PAQR5: variants seen among roughly 807,000 people sequenced by gnomAD.
PAQR5 encodes membrane progestin receptor gamma.
In PAQR5, 20 loss-of-function variants were observed where a neutral mutation model predicts 34.5. The ratio of observed to expected loss-of-function variants is 0.58; its 90% CI spans 0.41 to 0.84. The LOEUF is 0.84. Ranked by LOEUF, PAQR5 falls within the 40% of genes least tolerant of loss-of-function variation. PAQR5 has a pLI of 0.00. For synonymous variants in PAQR5, 131 were observed against 155.6 expected, an observed-to-expected ratio of 0.84 and a Z score of 1.18; for missense variants, 378 against 412.7, an observed-to-expected ratio of 0.92 and a Z score of 0.73.
intron 1 of PAQR5, among the ~76,000 whole-genome samples, chr15:69,317,907 G>A (rs981315656): frequency 6.6e-6 from 1 of 152,070 alleles, no homozygotes; most frequent in African/African-American, 2.4e-5. Context: ...TGGGGACATC[G>A]TTCCCTTCTC....
At chr15:69,378,273 A>AAAAAAAAAAAAAAAAG (rs1567029685) in intron 3 of PAQR5, among the ~76,000 whole-genome samples, 8 of 145,716 alleles carry the variant, frequency 5.5e-5, no homozygotes, top group African/African-American at 1.8e-4. Context: ...TTAAAAAAAA[A>AAAAAAAAAAAAAAAAG]AAAAAAAAAA....
At chr15:69,304,981 T>C (rs1412446588) in intron 1 of PAQR5, among the ~76,000 whole-genome samples, 1 of 152,222 alleles carries the variant, frequency 6.6e-6, no homozygotes, top group African/African-American at 2.4e-5. Flanking sequence ...TCTGACATTA[T>C]CTAATGCATA....
chr15:69,334,089 G>T (rs961301343), intron 1 of PAQR5, among the ~76,000 whole-genome samples: 1 of 151,990 alleles, frequency 6.6e-6, no homozygotes, highest in African/African-American at 2.4e-5. Context: ...AGGCAGTGGC[G>T]CAGTCTTGGC....
At chr15:69,349,239 A>G (rs2140780116) in intron 2 of PAQR5, among the ~76,000 whole-genome samples, 1 of 152,292 alleles carries the variant, frequency 6.6e-6, no homozygotes, top group African/African-American at 2.4e-5. Flanking sequence ...TGTCCTCTCC[A>G]AGGCAGTTGC....
At chr15:69,325,071 GTA>G (rs1314075322) in intron 1 of PAQR5, among the ~76,000 whole-genome samples, 1 of 152,028 alleles carries the variant, frequency 6.6e-6, no homozygotes, top group Non-Finnish European at 1.5e-5. Context: ...GCTAATTTTT[GTA>G]TTTTTAGTAG....
intron 3 of PAQR5, among the ~76,000 whole-genome samples, chr15:69,363,747 T>C (rs193036820): frequency 6.6e-6 from 1 of 152,084 alleles, no homozygotes; most frequent in Non-Finnish European, 1.5e-5. Flanking sequence ...ACAACAGGGT[T>C]TCACCATGTT....
chr15:69,391,700 G>A (rs1275626527), intron 6 of PAQR5: 1 of 456,024 alleles, frequency 2.2e-6, no homozygotes. Flanking sequence ...GATTAGACAG[G>A]GAGAGTACCA....
Position 69,403,911 on chromosome 15 carries a change from G to A in PAQR5, c.*89G>A, listed in dbSNP as rs1004971309. 19 of 1,303,420 alleles carry A rather than the reference G, an allele frequency of 1.5e-5. No homozygotes were observed. The highest frequency in any genetic ancestry group is 1.8e-5 in the Non-Finnish European group (17 of 945,662). 80.7% of individuals were successfully genotyped at this position (1,303,420 alleles called of 1,614,324 possible). On this transcript the variant is annotated 3_prime_UTR_variant, in exon 9 of 9. Transcript: ENST00000395407. ...GCCGGAGGTGGTTACAGCTTATCAT[G>A]GCCTAAAATATTCATAATGGTTGGT...
chr15:69,309,679 T>C (rs1052413743), intron 1 of PAQR5, among the ~76,000 whole-genome samples: 1 of 152,172 alleles, frequency 6.6e-6, no homozygotes, highest in African/African-American at 2.4e-5. Flanking sequence ...TGGTGGCACA[T>C]GCATGCACTC....
intron 2 of PAQR5, among the ~76,000 whole-genome samples, chr15:69,353,897 C>G (rs1389149974): frequency 6.6e-6 from 1 of 152,168 alleles, no homozygotes; most frequent in Admixed American, 6.5e-5. Context: ...CCACTTTGGG[C>G]TTCTTGTGCC....
chr15:69,379,474 C>T, intron 3 of PAQR5: 1 of 985,382 alleles, frequency 1.0e-6, no homozygotes, highest in Non-Finnish European at 1.2e-6. Flanking sequence ...TCCCACCAGC[C>T]CCTGACATGC....
chr15:69,322,781 A>G (rs1478639457), intron 1 of PAQR5, among the ~76,000 whole-genome samples: 1,619 of 95,748 alleles, frequency 0.017, 412 homozygotes, highest in African/African-American at 0.035. Context: ...AGGGAGAAGA[A>G]GAAGACGAGG....
At chr15:69,300,992 T>C (rs1447609312) in intron 1 of PAQR5, among the ~76,000 whole-genome samples, 6 of 107,520 alleles carry the variant, frequency 5.6e-5, no homozygotes, top group Non-Finnish European at 9.2e-5. Context: ...TCTTTCTTTC[T>C]TTCTTTCTTT....
In PAQR5 at chr15:69,403,787, A is replaced by C. The variant is rs749536211; in HGVS notation, c.958A>C (p.Ile320Leu). ...IIYFSAALYR[I>L]PKPELHKKET The stretch of plus-strand genomic sequence containing the variant: ...TTATTTCTCAGCTGCTCTGTATCGG[A>C]TTCCCAAGCCAGAATTACATAAAAA... Residue 320 changes from isoleucine (I) to leucine (L), a missense_variant, in exon 9 of 9, where the codon ATT (isoleucine) becomes CTT (leucine). Physicochemically the swap from Ile to Leu is conservative, Grantham distance 5 (BLOSUM62 2). Transcript: ENST00000395407. The C allele has an allele frequency of 1.3e-5, 21 of 1,614,036 alleles. No homozygotes were observed. In the East Asian group the frequency reaches 4.7e-4, roughly 36 times the overall value.
At chr15:69,380,109 G>T in intron 4 of PAQR5, 99 bp downstream of exon 4, 2 of 1,390,648 alleles carry the variant, frequency 1.4e-6, no homozygotes, top group Middle Eastern at 1.8e-4. Context: ...GAGATTCTGT[G>T]CTGGGGTTTG....
intron 2 of PAQR5, among the ~76,000 whole-genome samples, chr15:69,346,553 G>T (rs1358970212): frequency 6.6e-6 from 1 of 151,170 alleles, no homozygotes; most frequent in Non-Finnish European, 1.5e-5. Context: ...TCTCACCTTG[G>T]CCTTGCAAAG....
At chr15:69,372,404 A>T (rs2140892595) in intron 3 of PAQR5, among the ~76,000 whole-genome samples, 1 of 152,266 alleles carries the variant, frequency 6.6e-6, no homozygotes, top group African/African-American at 2.4e-5. Flanking sequence ...TTCACTGGGC[A>T]TGGTGGCACA....
chr15:69,339,839 C>T (rs571983368), intron 2 of PAQR5, among the ~76,000 whole-genome samples: 24 of 152,062 alleles, frequency 1.6e-4, no homozygotes, highest in African/African-American at 5.1e-4. Context: ...CATGGCTCTT[C>T]GTAATCAATA....
intron 1 of PAQR5, among the ~76,000 whole-genome samples, chr15:69,327,376 T>C (rs2054278697): frequency 6.6e-6 from 1 of 152,074 alleles, no homozygotes; most frequent in Non-Finnish European, 1.5e-5. Context: ...CTCCTTCTCA[T>C]TGTAGCTACC....
Sources: allele counts gnomAD v4.1 joint callset (sites outside exome capture counted in the v4.1 genomes callset), GRCh38; gene constraint gnomAD v4.1.1; transcripts MANE v1.5; gene names NCBI Gene and HGNC (gene_info 2026-07-23, HGNC 2026-07-21).